KIRREL3: variants seen among roughly 807,000 people sequenced by gnomAD.
KIRREL3 encodes the protein kirre like nephrin family adhesion molecule 3.
Under a neutral mutation model 89.7 loss-of-function variants are expected in KIRREL3, and 36 were observed. The ratio of observed to expected loss-of-function variants is 0.40; its 90% confidence interval spans 0.31 to 0.53. KIRREL3 has a LOEUF of 0.53. KIRREL3 is among the 20% of genes least tolerant of loss of function. KIRREL3 has a pLI of 0.49. For synonymous variants in KIRREL3, 445 were observed against 441.4 expected (o/e 1.01, Z -0.10); for missense variants, 864 against 1,056.6 (o/e 0.82, Z 2.53).
intron 1 of KIRREL3, among the ~76,000 whole-genome samples, chr11:126,846,386 A>G (rs1944142928): frequency 6.6e-6 from 1 of 152,230 alleles, no homozygotes; most frequent in African/African-American, 2.4e-5. Flanking sequence ...AAAGAGCTTT[A>G]ATTAATTCGT....
rs1415582974 is a variant in KIRREL3, at chr11:126,459,051, G to C, written c.743-2597C>G. Reference sequence around the variant, plus strand: ...GGGTTGGAGAAGTGGAGGTGGGGCAGAGGAGCTTGGGAATCGCCACCGGAT... The same window carrying C: ...GGGTTGGAGAAGTGGAGGTGGGGCACAGGAGCTTGGGAATCGCCACCGGAT... On this transcript the variant is annotated intron_variant, in intron 6 of 16. Coordinates refer to ENST00000525144, the MANE Select transcript of KIRREL3 (RefSeq NM_032531.4). The surrounding 1 kb of genome is among the most constrained non-coding windows in gnomAD (Gnocchi z 4.8). 2.0e-5 allele frequency among the ~76,000 whole-genome samples: 3 copies of C among 152,012 alleles called. No homozygotes were observed. The highest frequency in any genetic ancestry group is 7.3e-5 in the African/African-American group (3 of 41,368).
intron 1 of KIRREL3, among the ~76,000 whole-genome samples, chr11:126,859,025 A>G (rs1446606426): frequency 1.3e-5 from 2 of 152,214 alleles, no homozygotes; most frequent in Admixed American, 6.5e-5. Context: ...CTGGTTTCCC[A>G]CAAATTGACT....
chr11:126,784,216 G>T (rs981666779), intron 1 of KIRREL3, among the ~76,000 whole-genome samples: 1 of 152,162 alleles, frequency 6.6e-6, no homozygotes, highest in Non-Finnish European at 1.5e-5. Flanking sequence ...TGTAAACGAA[G>T]TATGGACTTT....
intron 1 of KIRREL3, among the ~76,000 whole-genome samples, chr11:126,746,748 G>A (rs1473148792): frequency 2.0e-5 from 3 of 152,050 alleles, no homozygotes; most frequent in African/African-American, 4.8e-5. Flanking sequence ...TCAGGCCCTC[G>A]TTATCTCTAA....
At position 126,729,928 on chromosome 11, in the gene KIRREL3, TC is replaced by T. The variant is rs1379281500; in HGVS notation, c.56-167017del. Among the ~76,000 whole-genome samples, 2 of 152,156 alleles carry T rather than the reference TC, an allele frequency of 1.3e-5. No individual in the cohort carries two copies. The highest frequency in any genetic ancestry group is 2.9e-5 in the Non-Finnish European group (2 of 68,022). ...GGCAGACAGTTTTCTGCCCTTCCCT[TC>T]CTTGACATTTCTGTGACATTTGGCT... On this transcript the variant is annotated intron_variant, in intron 1 of 16. Transcript: ENST00000525144. This position sits in a 1 kb window ranked among gnomAD's most constrained non-coding sequence, Gnocchi z 4.5.
rs1948093780 is a variant in KIRREL3 at position 126,719,592 on chromosome 11, G to T, written c.56-156680C>A. On this transcript the variant is annotated intron_variant, in intron 1 of 16. Coordinates refer to ENST00000525144, the MANE Select transcript of KIRREL3 (RefSeq NM_032531.4). The surrounding 1 kb of genome is among the most constrained non-coding windows in gnomAD (Gnocchi z 4.7). ...TGTAACTCATCCACAGCCAACTCCT[G>T]CCTTCACCACACAGCCCCTCCCGCT... Among the ~76,000 whole-genome samples the T allele has an allele frequency of 1.3e-5, 2 of 152,008 alleles. No individual in the cohort carries two copies. The highest frequency in any genetic ancestry group is 4.8e-5 in the African/African-American group (2 of 41,380).
At chr11:126,865,224 T>A (rs1944878877) in intron 1 of KIRREL3, among the ~76,000 whole-genome samples, 1 of 152,192 alleles carries the variant, frequency 6.6e-6, no homozygotes, top group South Asian at 2.1e-4. Flanking sequence ...TGAGCCAAGA[T>A]TAGAAGTCTG....
At chr11:126,464,768 C>T (rs748816472) in intron 5 of KIRREL3, among the ~76,000 whole-genome samples, 7 of 152,174 alleles carry the variant, frequency 4.6e-5, no homozygotes, top group Admixed American at 6.5e-5. Context: ...TGGAGGGGCA[C>T]AGCCCTGCTG....
chr11:126,626,911 G>A (rs149224004), intron 1 of KIRREL3, among the ~76,000 whole-genome samples: 4,645 of 152,214 alleles, frequency 0.031, 249 homozygotes, highest in African/African-American at 0.1. Flanking sequence ...AGGAGGCTGA[G>A]GCAGGAGAAT....
At chr11:126,735,214 A>C (rs1273941654) in intron 1 of KIRREL3, among the ~76,000 whole-genome samples, 1 of 152,256 alleles carries the variant, frequency 6.6e-6, no homozygotes, top group East Asian at 1.9e-4. Flanking sequence ...TGTGAGGGCT[A>C]GATGAGATAA....
In KIRREL3 at chr11:126,471,401, A is replaced by G. The variant is rs2134277261; in HGVS notation, c.591+1908T>C. 6.6e-6 allele frequency among the ~76,000 whole-genome samples: 1 copy of G among 151,846 alleles called. No individual in the cohort carries two copies. The highest frequency in any genetic ancestry group is 2.4e-5 in the African/African-American group (1 of 41,508). ...AAATAAATAAATAAATAAAATAAAT[A>G]AAAAATAAAAAAAGAAAGAAAAAAA... is the stretch of plus-strand genomic sequence containing the variant. On this transcript the variant is annotated intron_variant, in intron 5 of 16. Coordinates refer to ENST00000525144, the MANE Select transcript of KIRREL3 (RefSeq NM_032531.4). The surrounding 1 kb of genome is among the most constrained non-coding windows in gnomAD (Gnocchi z 5.4).
Position 126,687,206 on chromosome 11 carries a change from G to T in KIRREL3, c.56-124294C>A, listed in dbSNP as rs370813829. Among the ~76,000 whole-genome samples the T allele has an allele frequency of 5.3e-5, 8 of 152,240 alleles. No individual in the cohort carries two copies. In the East Asian group the frequency reaches 1.5e-3, roughly 29 times the overall value. Reference sequence around the variant, plus strand: ...CATCAAACGTGCTGAGCCCTGCCTTGCGCCAGGCAGTGAGCTAGTCCTTAT... The same window carrying T: ...CATCAAACGTGCTGAGCCCTGCCTTTCGCCAGGCAGTGAGCTAGTCCTTAT... On this transcript the variant is annotated intron_variant, in intron 1 of 16. Coordinates refer to ENST00000525144, the MANE Select transcript of KIRREL3 (RefSeq NM_032531.4). The surrounding 1 kb of genome is among the most constrained non-coding windows in gnomAD (Gnocchi z 4.6).
Position 126,948,374 on chromosome 11 carries a change from C to A in KIRREL3, c.55+52081G>T, listed in dbSNP as rs1948681073. 6.6e-6 allele frequency among the ~76,000 whole-genome samples: 1 copy of A among 152,070 alleles called. No homozygotes were observed. The highest frequency in any genetic ancestry group is 2.1e-4 in the South Asian group (1 of 4,812). ...ACGGAGAACTCAGGGGAACCTAGGT[C>A]CTGTTCCAACCATGGGGTATTAGCT... On this transcript the variant is annotated intron_variant, in intron 1 of 16. Coordinates refer to ENST00000525144, the MANE Select transcript of KIRREL3 (RefSeq NM_032531.4). The surrounding 1 kb of genome is among the most constrained non-coding windows in gnomAD (Gnocchi z 4.5).
rs1385283662 is a variant in KIRREL3 at position 126,551,001 on chromosome 11, T to G, written c.133+11834A>C. Reference sequence around the variant, plus strand: ...TGGCAGACCCGCTGCAAGTTGGGGGTTCCCAAGACCTTCTGTTTGGGTTTG... The same window carrying G: ...TGGCAGACCCGCTGCAAGTTGGGGGGTCCCAAGACCTTCTGTTTGGGTTTG... On this transcript the variant is annotated intron_variant, in intron 2 of 16. Coordinates refer to ENST00000525144, the MANE Select transcript of KIRREL3 (RefSeq NM_032531.4). The surrounding 1 kb of genome is among the most constrained non-coding windows in gnomAD (Gnocchi z 4.9). 6.6e-6 allele frequency among the ~76,000 whole-genome samples: 1 copy of G among 152,162 alleles called. No individual in the cohort carries two copies. The highest frequency in any genetic ancestry group is 1.5e-5 in the Non-Finnish European group (1 of 68,032).
In KIRREL3 at chr11:126,744,442, G is replaced by A. The variant is rs1054434776; in HGVS notation, c.56-181530C>T. On this transcript the variant is annotated intron_variant, in intron 1 of 16. Transcript: ENST00000525144. This position sits in a 1 kb window ranked among gnomAD's most constrained non-coding sequence, Gnocchi z 4.7. Reference sequence around the variant, plus strand: ...TGCAGAACAGGCTGCTGGACTAGACGGGGACAAGGAAATGGAGAGGTGGCG... The same window carrying A: ...TGCAGAACAGGCTGCTGGACTAGACAGGGACAAGGAAATGGAGAGGTGGCG... Among the ~76,000 whole-genome samples, 3 of 152,210 alleles carry A rather than the reference G, an allele frequency of 2.0e-5. No individual in the cohort carries two copies. The highest frequency in any genetic ancestry group is 1.5e-5 in the Non-Finnish European group (1 of 68,042).
rs1303803759 is a variant in KIRREL3 at position 126,754,566 on chromosome 11, C to T, written c.56-191654G>A. Among the ~76,000 whole-genome samples the T allele has an allele frequency of 6.6e-6, 1 of 151,956 alleles. No individual in the cohort carries two copies. The highest frequency in any genetic ancestry group is 1.5e-5 in the Non-Finnish European group (1 of 68,002). ...TTTGCTAGATACCGCTGAAGGGGAT[C>T]GTCTGCGAAGAAAGAATAGAGATAC... On this transcript the variant is annotated intron_variant, in intron 1 of 16. Coordinates refer to ENST00000525144, the MANE Select transcript of KIRREL3 (RefSeq NM_032531.4). The surrounding 1 kb of genome is among the most constrained non-coding windows in gnomAD (Gnocchi z 5.1).
intron 1 of KIRREL3, among the ~76,000 whole-genome samples, chr11:126,866,736 C>T (rs1017823075): frequency 6.6e-6 from 1 of 152,134 alleles, no homozygotes; most frequent in East Asian, 1.9e-4. Flanking sequence ...GTGGCAGACG[C>T]TGGCAGGCCA....
rs1012715101 is a variant in KIRREL3, at chr11:126,805,108, A to G, written c.55+195347T>C. 1.3e-5 allele frequency among the ~76,000 whole-genome samples: 2 copies of G among 152,150 alleles called. No individual in the cohort carries two copies. Among genetic ancestry groups the G allele is most frequent in the African/African-American group, 2.4e-5 (1 of 41,412 alleles). ...GCAATGTTTTCGTAGGTGTGTGGTAACCTGCAATGAAGGAGTTATATGTGT... is the reference window on the plus strand; with the variant it reads ...GCAATGTTTTCGTAGGTGTGTGGTAGCCTGCAATGAAGGAGTTATATGTGT... On this transcript the variant is annotated intron_variant, in intron 1 of 16. Coordinates refer to ENST00000525144, the MANE Select transcript of KIRREL3 (RefSeq NM_032531.4). The surrounding 1 kb of genome is among the most constrained non-coding windows in gnomAD (Gnocchi z 4.3).
At chr11:126,425,600 T>C in intron 16 of KIRREL3, 38 bp downstream of exon 16, 1 of 1,494,382 alleles carries the variant, frequency 6.7e-7, no homozygotes, top group Non-Finnish European at 9.1e-7. Flanking sequence ...AAAGACCAGA[T>C]TCCATGGCTG....
Sources: gnomAD v4.1 joint callset for allele counts (sites outside exome capture counted in the v4.1 genomes callset) on GRCh38, gnomAD v4.1.1 for gene constraint, Gnocchi (gnomAD v3.1) non-coding constraint, MANE v1.5 for transcripts, NCBI Gene and HGNC (gene_info 2026-07-23, HGNC 2026-07-21) for gene names.